APC: variants seen among roughly 807,000 people sequenced by gnomAD.
APC encodes the protein adenomatous polyposis coli protein.
In APC, 72 loss-of-function variants were observed where a neutral mutation model predicts 247.0. That is an observed-to-expected ratio of 0.29 (90% CI 0.24 to 0.35). The LOEUF (loss-of-function observed/expected upper bound fraction) is 0.35. Ranked by LOEUF, APC falls within the 10% of genes least tolerant of loss-of-function variation. The pLI is 1.00. For missense variants in APC, 3,400 were observed against 3,360.7 expected, an observed-to-expected ratio of 1.01 and a Z score of -0.29; for synonymous variants, 1,254 against 1,162.5, an observed-to-expected ratio of 1.08 and a Z score of -1.60.
intron 6 of APC, among the ~76,000 whole-genome samples, chr5:112,785,436 C>T (rs1237904619): frequency 6.6e-6 from 1 of 152,010 alleles, no homozygotes; most frequent in Admixed American, 6.6e-5. Flanking sequence ...TTTAAAGTAA[C>T]TAGAAAAAGC....
At chr5:112,769,582 T>C (rs1486302100) in intron 4 of APC, among the ~76,000 whole-genome samples, 2 of 152,214 alleles carry the variant, frequency 1.3e-5, no homozygotes, top group Non-Finnish European at 2.9e-5. Context: ...ATTATCTTTA[T>C]ATTTCTAAAA....
intron 1 of APC, among the ~76,000 whole-genome samples, chr5:112,723,099 G>T (rs554530623): frequency 1.4e-4 from 22 of 152,042 alleles, no homozygotes; most frequent in Admixed American, 2.6e-4. Context: ...GAGAAGGCTA[G>T]AGAGAGAGAT....
At position 112,767,224 on chromosome 5, in the gene APC, A is replaced by C; in HGVS notation, c.256A>C (p.Lys86Gln). The C allele has an allele frequency of 6.2e-7, 1 of 1,614,186 alleles. No individual in the cohort carries two copies. Residue 86 changes from lysine to glutamine, a missense_variant, in exon 4 of 16, where the codon AAA (lysine) becomes CAA (glutamine). Around this residue, in one of 9 missense-constraint regions of APC, gnomAD observed 372 missense variants for 367.6 expected, o/e 1.01. Transcript: ENST00000257430. ...NLDSSNFPGV[K>Q]LRSKMSLRSY... ...AGATAGCAGTAATTTCCCTGGAGTA[A>C]AACTGCGGTCAAAAATGTCCCTCCG... is the stretch of plus-strand genomic sequence containing the variant.
At chr5:112,789,695 A>C (rs887679047) in intron 6 of APC, among the ~76,000 whole-genome samples, 1 of 152,200 alleles carries the variant, frequency 6.6e-6, no homozygotes, top group African/African-American at 2.4e-5. Context: ...AATTTTATGT[A>C]GCTTGGCTAT....
chr5:112,734,105 A>T (rs1206346796), upstream of APC, among the ~76,000 whole-genome samples: 4 of 152,168 alleles, frequency 2.6e-5, no homozygotes, highest in African/African-American at 9.7e-5. Flanking sequence ...AGGCAGGAGG[A>T]TCACCTGAGG....
At chr5:112,802,223 C>A (rs1293628661) in intron 8 of APC, among the ~76,000 whole-genome samples, 1 of 151,912 alleles carries the variant, frequency 6.6e-6, no homozygotes, top group Non-Finnish European at 1.5e-5. Context: ...TCTATTAGTT[C>A]ATTAAAATGT....
upstream of APC, among the ~76,000 whole-genome samples, chr5:112,737,596 T>A (rs1437473489): frequency 1.3e-5 from 2 of 152,234 alleles, no homozygotes; most frequent in Non-Finnish European, 2.9e-5. Flanking sequence ...CTCCCCCGAC[T>A]CTTTACTATG....
chr5:112,723,218 C>T (rs1411108217), intron 1 of APC, among the ~76,000 whole-genome samples: 1 of 152,140 alleles, frequency 6.6e-6, no homozygotes, highest in East Asian at 1.9e-4. Flanking sequence ...TGGCTCACGC[C>T]TGTAATCCCA....
intron 1 of APC, among the ~76,000 whole-genome samples, chr5:112,720,175 A>G (rs891345099): frequency 6.6e-6 from 1 of 152,244 alleles, no homozygotes; most frequent in African/African-American, 2.4e-5. Flanking sequence ...TTGATTTGAT[A>G]TTAGTCACAG....
intron 7 of APC, among the ~76,000 whole-genome samples, chr5:112,795,471 C>T (rs1760119190): frequency 6.6e-6 from 1 of 152,208 alleles, no homozygotes; most frequent in African/African-American, 2.4e-5. Flanking sequence ...GCCTCCTTCT[C>T]TTCCTGGAGG....
At chr5:112,726,076 C>A (rs1181809603) in intron 1 of APC, among the ~76,000 whole-genome samples, 2 of 152,148 alleles carry the variant, frequency 1.3e-5, no homozygotes, top group Non-Finnish European at 2.9e-5. Context: ...CGGGCAGGTG[C>A]AGAAGCCGGG....
chr5:112,800,849 T>C (rs1048879178), intron 7 of APC, among the ~76,000 whole-genome samples: 4 of 151,904 alleles, frequency 2.6e-5, no homozygotes, highest in Non-Finnish European at 4.4e-5. Context: ...ATATATATAT[T>C]CTATGTGAAA....
At chr5:112,719,384 ATT>A (rs903357963) in intron 1 of APC, among the ~76,000 whole-genome samples, 1 of 146,754 alleles carries the variant, frequency 6.8e-6, no homozygotes, top group South Asian at 2.2e-4. Context: ...CGCCCGGCTA[ATT>A]TTTTTTTTTA....
At position 112,801,463 on chromosome 5, in the gene APC, T is replaced by C. The variant is rs1253183360; in HGVS notation, c.834+80T>C. On this transcript the variant is annotated intron_variant, in intron 8 of 15. Coordinates refer to ENST00000257430, the MANE Select transcript of APC (RefSeq NM_000038.6). ...TGAAGCAAGATGGTTCTAAGAATGA[T>C]CTATAAATCTTACCTATTTTCTTAG... The C allele has an allele frequency of 5.7e-6, 6 of 1,061,566 alleles. No individual in the cohort carries two copies. In the African/African-American group the frequency reaches 9.5e-5, roughly 17 times the overall value. The allele number at this position is 1,061,566 out of a possible 1,614,324, so 65.8% of individuals were successfully genotyped here.
chr5:112,797,487 T>C (rs138590799), intron 7 of APC, among the ~76,000 whole-genome samples: 1 of 152,300 alleles, frequency 6.6e-6, no homozygotes, highest in East Asian at 1.9e-4. Context: ...AACTCTGGTT[T>C]AAGGTCTAGA....
intron 1 of APC, among the ~76,000 whole-genome samples, chr5:112,744,452 T>A (rs1753412080): frequency 6.6e-6 from 1 of 152,216 alleles, no homozygotes; most frequent in South Asian, 2.1e-4. Flanking sequence ...AGACCTTGTC[T>A]TCAAGATATT....
exon 1 of APC, chr5:112,707,634 T>A (rs1340630542): frequency 7.5e-7 from 1 of 1,340,178 alleles, no homozygotes; most frequent in Non-Finnish European, 9.9e-7. Context: ...CGAGGTTGGC[T>A]CGATGCTGTT....
chr5:112,802,564 T>C (rs1445018961), intron 8 of APC, among the ~76,000 whole-genome samples: 1 of 152,172 alleles, frequency 6.6e-6, no homozygotes, highest in East Asian at 1.9e-4. Context: ...ACCTATCCAG[T>C]AAGCTGGCTA....
At chr5:112,772,674 G>A (rs981709762) in intron 4 of APC, among the ~76,000 whole-genome samples, 6 of 151,890 alleles carry the variant, frequency 4.0e-5, no homozygotes, top group East Asian at 1.9e-4. Flanking sequence ...CTGCCACAGC[G>A]CCCAGCTAAT....
Sources: gnomAD v4.1 joint callset for allele counts (sites outside exome capture counted in the v4.1 genomes callset) on GRCh38, gnomAD v4.1.1 for gene constraint, gnomAD v4.1.1 regional missense constraint, MANE v1.5 for transcripts, NCBI Gene and HGNC (gene_info 2026-07-23, HGNC 2026-07-21) for gene names.